WDR7: variants seen among roughly 807,000 people sequenced by gnomAD.
WDR7 encodes the protein WD repeat-containing protein 7.
In WDR7, 46 loss-of-function variants were observed where a neutral mutation model predicts 169.4. That is an observed-to-expected ratio of 0.27 (90% CI 0.21 to 0.35). WDR7 has a LOEUF of 0.35. Ranked by LOEUF, WDR7 falls within the 10% of genes least tolerant of loss-of-function variation. The pLI is 1.00. For synonymous variants in WDR7, 612 were observed against 666.8 expected (o/e 0.92, Z 1.27); for missense variants, 1,534 against 1,859.3 (o/e 0.83, Z 3.22).
chr18:56,668,887 G>A (rs958658028), intron 1 of WDR7, among the ~76,000 whole-genome samples: 10 of 116,300 alleles, frequency 8.6e-5, no homozygotes, highest in Non-Finnish European at 1.8e-4. Flanking sequence ...TGAAGAAGTA[G>A]CAAAATCTGT....
At chr18:56,833,579 G>A (rs558361587) in intron 20 of WDR7, among the ~76,000 whole-genome samples, 104 of 152,268 alleles carry the variant, frequency 6.8e-4, no homozygotes, top group African/African-American at 2.1e-3. Context: ...GAATGTCTGC[G>A]TTACAAACGT....
Position 56,802,851 on chromosome 18 carries a change from T to A in WDR7, c.3191-13180T>A, listed in dbSNP as rs371372630. On this transcript the variant is annotated intron_variant, in intron 19 of 27. Coordinates refer to ENST00000254442, the MANE Select transcript of WDR7 (RefSeq NM_015285.3). The stretch of plus-strand genomic sequence containing the variant: ...TAGTTTTTCTTTTATGACTCATGCC[T>A]TTGGTGTTGTATCTTAAAAACTCAT... 4.6e-5 allele frequency among the ~76,000 whole-genome samples: 7 copies of A among 152,264 alleles called. No individual in the cohort carries two copies. In the South Asian group the frequency reaches 1.2e-3, roughly 27 times the overall value.
chr18:56,900,055 C>T (rs1010603439), intron 21 of WDR7, among the ~76,000 whole-genome samples: 4 of 124,950 alleles, frequency 3.2e-5, no homozygotes, highest in Non-Finnish European at 4.9e-5. Context: ...TCACTGGACA[C>T]ATATATATAT....
intron 14 of WDR7, among the ~76,000 whole-genome samples, chr18:56,748,507 A>G (rs1296393621): frequency 6.6e-6 from 1 of 152,202 alleles, no homozygotes; most frequent in Non-Finnish European, 1.5e-5. Flanking sequence ...TATCAAAGGC[A>G]TGACCTAAAC....
rs192732360 is a variant in WDR7, at chr18:57,028,795, G to T, written c.*1588G>T. On this transcript the variant is annotated 3_prime_UTR_variant, in exon 28 of 28. Coordinates refer to ENST00000254442, the MANE Select transcript of WDR7 (RefSeq NM_015285.3). ...ATGATATGATGTTATTTCCATTGAC[G>T]GCAAATCTATACTGTTCCTTGGTTT... The T allele has an allele frequency of 6.6e-5, 10 of 152,490 alleles. No individual in the cohort carries two copies. The highest frequency in any genetic ancestry group is 2.4e-4 in the African/African-American group (10 of 41,418). The allele number at this position is 152,490 out of a possible 1,614,324, so 9.4% of individuals were successfully genotyped here. A position where few individuals can be genotyped will look rare whatever the true frequency, so the allele number is the denominator to read the frequency against.
intron 27 of WDR7, among the ~76,000 whole-genome samples, chr18:57,025,457 G>T (rs148872683): frequency 6.6e-6 from 1 of 152,164 alleles, no homozygotes; most frequent in Admixed American, 6.5e-5. Context: ...TTTGGGAAAA[G>T]GAGAGAAGGA....
chr18:56,706,568 G>A (rs2025960040), intron 12 of WDR7, among the ~76,000 whole-genome samples: 1 of 152,110 alleles, frequency 6.6e-6, no homozygotes, highest in South Asian at 2.1e-4. Flanking sequence ...CATCATTATT[G>A]TTGCTATTAT....
intron 20 of WDR7, among the ~76,000 whole-genome samples, chr18:56,818,741 A>G (rs1371249674): frequency 6.6e-6 from 1 of 152,196 alleles, no homozygotes; most frequent in African/African-American, 2.4e-5. Flanking sequence ...TGGTAGATGC[A>G]TTGAGAGAAA....
chr18:56,913,020 A>G (rs2046573798), intron 21 of WDR7, among the ~76,000 whole-genome samples: 2 of 151,778 alleles, frequency 1.3e-5, no homozygotes, highest in African/African-American at 2.4e-5. Flanking sequence ...GACTGCAGGT[A>G]CACACACCAT....
intron 19 of WDR7, among the ~76,000 whole-genome samples, chr18:56,803,441 A>G (rs1028911479): frequency 2.6e-5 from 4 of 152,162 alleles, no homozygotes; most frequent in African/African-American, 9.7e-5. Context: ...TTTGGCAGTG[A>G]AAGAAAATAA....
chr18:56,814,753 A>G (rs965914982), intron 19 of WDR7, among the ~76,000 whole-genome samples: 9 of 152,078 alleles, frequency 5.9e-5, no homozygotes, highest in Non-Finnish European at 1.0e-4. Flanking sequence ...CAATTTACCT[A>G]TATAGCAAAC....
rs1291953547 is a variant in WDR7, at chr18:56,862,854, T to G, written c.3305-17090T>G. Among the ~76,000 whole-genome samples, 5 of 152,008 alleles carry G rather than the reference T, an allele frequency of 3.3e-5. No homozygotes were observed. The South Asian group carries it at 1.0e-3, about 31-fold the overall frequency. On this transcript the variant is annotated intron_variant, in intron 20 of 27. Coordinates refer to ENST00000254442, the MANE Select transcript of WDR7 (RefSeq NM_015285.3). ...AATTTTACCTGCCTTCCAATTGATT[T>G]CCAATAAAAACCTAGTCTGTTCATA... is the stretch of plus-strand genomic sequence containing the variant.
chr18:56,949,128 G>GTCTCTCTCTC (rs10537966), intron 25 of WDR7, among the ~76,000 whole-genome samples: 425 of 143,516 alleles, frequency 3.0e-3, no homozygotes, highest in Non-Finnish European at 4.8e-3. Context: ...GTTTTCTAAA[G>GTCTCTCTCTC]TCTCTCTCTC....
chr18:56,828,875 A>G (rs2045258986), intron 20 of WDR7, among the ~76,000 whole-genome samples: 1 of 152,212 alleles, frequency 6.6e-6, no homozygotes, highest in East Asian at 1.9e-4. Flanking sequence ...CAAAATTGAG[A>G]AAGTAAACCA....
intron 22 of WDR7, 151 bp from the exon 23 acceptor site, chr18:56,935,637 A>G: frequency 1.4e-6 from 1 of 707,572 alleles, no homozygotes; most frequent in Admixed American, 2.2e-5. Context: ...CCTGACTCCT[A>G]ATCACTGCCC....
chr18:56,845,362 AAAT>A lies in WDR7; in HGVS notation c.3304+29224_3304+29226del, dbSNP rs1196051567. Among the ~76,000 whole-genome samples the A allele has an allele frequency of 2.0e-5, 3 of 152,118 alleles. No individual in the cohort carries two copies. The East Asian group carries it at 5.8e-4, about 29-fold the overall frequency. On this transcript the variant is annotated intron_variant, in intron 20 of 27. Coordinates refer to ENST00000254442, the MANE Select transcript of WDR7 (RefSeq NM_015285.3). The stretch of plus-strand genomic sequence containing the variant: ...TTTCTATAATATGTTATTTTTTAGG[AAAT>A]AATAAGATCTATGTAAATGTATTTG...
At chr18:56,696,693 A>G (rs1159822962) in intron 12 of WDR7, among the ~76,000 whole-genome samples, 1 of 152,236 alleles carries the variant, frequency 6.6e-6, no homozygotes, top group Non-Finnish European at 1.5e-5. Flanking sequence ...ACTAGCTTCA[A>G]AATGGTCTGG....
chr18:56,983,636 C>A (rs2047676372), intron 26 of WDR7, among the ~76,000 whole-genome samples: 1 of 151,562 alleles, frequency 6.6e-6, no homozygotes, highest in Non-Finnish European at 1.5e-5. Context: ...TAAAACATAA[C>A]CATCAACAAA....
chr18:56,981,061 A>G (rs2047637773), intron 26 of WDR7, among the ~76,000 whole-genome samples: 1 of 152,204 alleles, frequency 6.6e-6, no homozygotes, highest in Non-Finnish European at 1.5e-5. Context: ...GCTATTCCAG[A>G]AGTACTCCAG....
Sources: gnomAD v4.1 joint callset for allele counts (sites outside exome capture counted in the v4.1 genomes callset) on GRCh38, gnomAD v4.1.1 for gene constraint, MANE v1.5 for transcripts, NCBI Gene and HGNC (gene_info 2026-07-23, HGNC 2026-07-21) for gene names.